The following ZFAT variants were observed in gnomAD, a reference collection of about 807,000 sequenced individuals.
The protein encoded by ZFAT is zinc finger and AT-hook domain containing.
In ZFAT, 64 loss-of-function variants were observed where a neutral mutation model predicts 117.7. The ratio of observed to expected loss-of-function variants is 0.54; its 90% confidence interval spans 0.44 to 0.67. The LOEUF (loss-of-function observed/expected upper bound fraction) is 0.67, where lower values mean the gene tolerates loss of function less well. Ranked by LOEUF, ZFAT falls within the 30% of genes least tolerant of loss-of-function variation. The pLI is 0.00. For missense variants in ZFAT, 1,433 were observed against 1,584.5 expected (o/e 0.90, Z 1.62); for synonymous variants, 679 against 615.0 (o/e 1.10, Z -1.54).
chr8:134,762,839 C>T, the ZFAT span, among the ~76,000 whole-genome samples: 1 of 152,184 alleles, frequency 6.6e-6, no homozygotes, highest in Non-Finnish European at 1.5e-5. Flanking sequence ...GAAAAACCTG[C>T]TTTTTCCCAG....
chr8:134,804,765 T>C, the ZFAT span: 3 of 465,788 alleles, frequency 6.4e-6, no homozygotes, highest in Admixed American at 2.2e-5. Context: ...GCACTGTCAG[T>C]GCAGTAAAAG....
Position 134,668,765 on chromosome 8 carries a change from C to T in ZFAT, c.20-11028G>A, listed in dbSNP as rs139285699. Among the ~76,000 whole-genome samples the T allele has an allele frequency of 6.6e-3, 1,007 of 152,322 alleles. 18 individuals carry two copies. Among genetic ancestry groups the T allele is most frequent in the African/African-American group, 0.023 (947 of 41,560 alleles). ...AAAGCTGGACGGAGAATGACTTTGACGAGTTGAGAGAAGGAGGCTTCAGAC... is the reference window on the plus strand; with the variant it reads ...AAAGCTGGACGGAGAATGACTTTGATGAGTTGAGAGAAGGAGGCTTCAGAC... On this transcript the variant is annotated intron_variant, in intron 1 of 15. Coordinates refer to ENST00000377838, the MANE Select transcript of ZFAT (RefSeq NM_020863.4).
At chr8:134,591,589 C>T (rs1826505112) in intron 7 of ZFAT, among the ~76,000 whole-genome samples, 1 of 152,208 alleles carries the variant, frequency 6.6e-6, no homozygotes, top group Non-Finnish European at 1.5e-5. Flanking sequence ...CAGAATGTGA[C>T]CTTATTTGGA....
rs145353571 is a variant in ZFAT, at chr8:134,615,836, T to C, written c.449-5181A>G. 7.7e-3 allele frequency among the ~76,000 whole-genome samples: 1,172 copies of C among 152,396 alleles called. 18 individuals carry two copies. Among genetic ancestry groups the C allele is most frequent in the African/African-American group, 0.026 (1,071 of 41,602 alleles). On this transcript the variant is annotated intron_variant, in intron 3 of 15. Transcript: ENST00000377838. ...AACTTTCCAACCGATTCAGGCACCA[T>C]GGTGCCAGGCACCGCACTGAACAGC...
intron 6 of ZFAT, 33 bp from the exon 7 acceptor site, chr8:134,600,701 G>T: frequency 6.7e-7 from 1 of 1,486,446 alleles, no homozygotes; most frequent in Non-Finnish European, 9.0e-7. Flanking sequence ...GAACAAGGAA[G>T]TTTCATTTTG....
At chr8:134,811,531 T>C in the ZFAT span, among the ~76,000 whole-genome samples, 1 of 152,174 alleles carries the variant, frequency 6.6e-6, no homozygotes, top group Non-Finnish European at 1.5e-5. Context: ...GGGGAAACAA[T>C]GTATTTGGCA....
intron 15 of ZFAT, among the ~76,000 whole-genome samples, chr8:134,481,960 A>G (rs972550564): frequency 3.7e-4 from 57 of 152,262 alleles, no homozygotes; most frequent in Middle Eastern, 3.4e-3. Flanking sequence ...CCCAGTCACC[A>G]AACCCACTGG....
intron 13 of ZFAT, among the ~76,000 whole-genome samples, chr8:134,513,056 TG>T (rs1459451787): frequency 6.6e-6 from 1 of 151,144 alleles, no homozygotes; most frequent in African/African-American, 2.4e-5. Flanking sequence ...AGGGGTAGGG[TG>T]GGTGATTACA....
the ZFAT span, among the ~76,000 whole-genome samples, chr8:134,825,678 C>T: frequency 3.3e-5 from 5 of 152,188 alleles, no homozygotes; most frequent in Admixed American, 3.3e-4. Context: ...GCTGTCAATA[C>T]ATCATTTGAC....
intron 1 of ZFAT, among the ~76,000 whole-genome samples, chr8:134,685,778 C>A (rs187517261): frequency 3.9e-5 from 6 of 152,186 alleles, no homozygotes; most frequent in African/African-American, 9.7e-5. Flanking sequence ...CAGTGGCCCA[C>A]CAGGGCACTA....
At chr8:134,614,837 G>A (rs1828603438) in intron 3 of ZFAT, among the ~76,000 whole-genome samples, 1 of 152,170 alleles carries the variant, frequency 6.6e-6, no homozygotes. Flanking sequence ...AAATGCTATG[G>A]AAAAGACTCT....
At chr8:134,642,430 C>T (rs767962771) in intron 2 of ZFAT, among the ~76,000 whole-genome samples, 11 of 152,148 alleles carry the variant, frequency 7.2e-5, no homozygotes. Flanking sequence ...CAATCCATTA[C>T]AATGCTGGGC....
the ZFAT span, chr8:134,786,007 T>C: frequency 2.4e-4 from 37 of 152,172 alleles, no homozygotes; most frequent in Non-Finnish European, 5.1e-4. Context: ...TATTATTAGG[T>C]CCCCTTAGAG....
chr8:134,604,328 C>T (rs932752649), intron 5 of ZFAT, among the ~76,000 whole-genome samples: 2 of 152,200 alleles, frequency 1.3e-5, no homozygotes, highest in Admixed American at 6.5e-5. Context: ...CACGTGCATG[C>T]TTATCCTCTC....
intron 15 of ZFAT, among the ~76,000 whole-genome samples, chr8:134,490,877 G>A (rs562762672): frequency 2.8e-4 from 42 of 152,228 alleles, no homozygotes; most frequent in Middle Eastern, 6.8e-3. Flanking sequence ...AACCCAAGCC[G>A]GTGTCTTGGC....
chr8:134,598,191 C>T (rs1827109332), intron 7 of ZFAT: 1 of 152,116 alleles, frequency 6.6e-6, no homozygotes, highest in South Asian at 2.1e-4. Flanking sequence ...ATGGCACAAC[C>T]ATGAGCAAGT....
chr8:134,832,143 CG>C, the ZFAT span, among the ~76,000 whole-genome samples: 2 of 149,018 alleles, frequency 1.3e-5, no homozygotes, highest in Non-Finnish European at 3.0e-5. Flanking sequence ...GCGCGAGGGG[CG>C]GGGGGCAGGG....
chr8:134,742,841 G>A, the ZFAT span, among the ~76,000 whole-genome samples: 5 of 152,184 alleles, frequency 3.3e-5, no homozygotes, highest in Admixed American at 1.3e-4. Flanking sequence ...CCTGAGTGGC[G>A]GTTGCAGTTA....
chr8:134,736,428 G>A, the ZFAT span, among the ~76,000 whole-genome samples: 2 of 152,142 alleles, frequency 1.3e-5, no homozygotes, highest in Non-Finnish European at 2.9e-5. Flanking sequence ...CCATCTGACA[G>A]CTCCATTTCA....
Sources: gnomAD v4.1 joint callset for allele counts (sites outside exome capture counted in the v4.1 genomes callset) on GRCh38, gnomAD v4.1.1 for gene constraint, MANE v1.5 for transcripts, NCBI Gene and HGNC (gene_info 2026-07-23, HGNC 2026-07-21) for gene names.